Variants in EGFL6 observed in about 807,000 individuals in gnomAD.
The protein encoded by EGFL6 is EGF like domain multiple 6, also known as epidermal growth factor-like protein 6.
EGFL6 carries 42 observed loss-of-function variants against 43.1 expected under a neutral mutation model. That is an observed-to-expected ratio of 0.98 (90% CI 0.76 to 1.26). The LOEUF (loss-of-function observed/expected upper bound fraction) is 1.26. Among genes scored for constraint, EGFL6 ranks in the 50% most tolerant of loss-of-function variants. EGFL6 has a pLI of 0.00. For synonymous variants in EGFL6, 164 were observed against 163.2 expected, an observed-to-expected ratio of 1.01 and a Z score of -0.04; for missense variants, 429 against 427.8, an observed-to-expected ratio of 1.00 and a Z score of -0.02.
intron 1 of EGFL6, among the ~76,000 whole-genome samples, chrX:13,573,497 A>G (rs906283946): frequency 8.9e-6 from 1 of 112,261 alleles, no homozygotes; most frequent in East Asian, 2.8e-4. Flanking sequence ...AGAAAGTGTT[A>G]AAGTCCTATT....
At chrX:13,607,171 G>A (rs1174913648) in intron 6 of EGFL6, among the ~76,000 whole-genome samples, 1 of 111,454 alleles carries the variant, frequency 9.0e-6, no homozygotes, top group Middle Eastern at 4.6e-3. Context: ...GAACAAGTGA[G>A]GTGGGGTATT....
chrX:13,577,345 TAC>T (rs1375018204), intron 1 of EGFL6, among the ~76,000 whole-genome samples: 3 of 52,299 alleles, frequency 5.7e-5, no homozygotes, highest in Non-Finnish European at 1.1e-4. Flanking sequence ...TATATATACA[TAC>T]ACACACACAC....
intron 4 of EGFL6, among the ~76,000 whole-genome samples, chrX:13,601,046 A>G (rs2045631710): frequency 9.0e-6 from 1 of 111,147 alleles, no homozygotes; most frequent in Non-Finnish European, 1.9e-5. Context: ...TACTTTATAA[A>G]TAAAAAGGCA....
rs2045428608 is a variant in EGFL6 at position 13,569,746 on chromosome X, T to C, written c.-116T>C. ...AGGGACAGCACCCGGTAACTGCGAG[T>C]GGAGCGGAGGACCCGAGCGGCTGAG... On this transcript the variant is annotated 5_prime_UTR_variant, in exon 1 of 12. Transcript: ENST00000361306. 1.4e-6 allele frequency: 1 copy of C among 713,961 alleles called. No homozygotes were observed. The highest frequency in any genetic ancestry group is 3.3e-5 in the East Asian group (1 of 30,322). 58.8% of individuals were successfully genotyped at this position (713,961 alleles called of 1,213,427 possible). A position where few individuals can be genotyped will look rare whatever the true frequency, so the allele number is the denominator to read the frequency against.
In EGFL6 at chrX:13,585,908, A is replaced by G. The variant is rs147165564; in HGVS notation, c.75-3648A>G. ...GCTTCATGTTGTTAAAGGAAGAGGTAAAAGCAGATTGTAGTACTTTGTCAA... is the reference window on the plus strand; with the variant it reads ...GCTTCATGTTGTTAAAGGAAGAGGTGAAAGCAGATTGTAGTACTTTGTCAA... On this transcript the variant is annotated intron_variant, in intron 1 of 11. Transcript: ENST00000361306. 9.3e-3 allele frequency among the ~76,000 whole-genome samples: 1,039 copies of G among 111,853 alleles called. 11 individuals are homozygous for G. The highest frequency in any genetic ancestry group is 0.032 in the African/African-American group (977 of 30,772).
Position 13,569,694 on chromosome X carries a change from G to C in EGFL6, c.-168G>C, listed in dbSNP as rs777950852. On this transcript the variant is annotated 5_prime_UTR_variant, in exon 1 of 12. Transcript: ENST00000361306. ...CCCAGGCCGCGAGCGCCCCTGCCGCGGTGCCTGGCCTCCCCTCCCAGACTG... is the reference window on the plus strand; with the variant it reads ...CCCAGGCCGCGAGCGCCCCTGCCGCCGTGCCTGGCCTCCCCTCCCAGACTG... 2.2e-6 allele frequency: 1 copy of C among 447,497 alleles called. No individual in the cohort carries two copies. Among genetic ancestry groups the C allele is most frequent in the African/African-American group, 2.5e-5 (1 of 40,223 alleles). The allele number at this position is 447,497 out of a possible 1,213,427, so 36.9% of individuals were successfully genotyped here.
chrX:13,592,578 C>A (rs1319606882), intron 2 of EGFL6, among the ~76,000 whole-genome samples: 2 of 111,389 alleles, frequency 1.8e-5, no homozygotes, highest in Non-Finnish European at 3.8e-5. Context: ...CAAATATATG[C>A]CTCATTATTT....
chrX:13,627,292 A>G lies in EGFL6; in HGVS notation c.1551+16A>G, dbSNP rs758732710. On this transcript the variant is annotated intron_variant, in intron 11 of 11. Transcript: ENST00000361306. Reference sequence around the variant, plus strand: ...TACCAAAAGCGTAAGTGGGAAAAAAATGATTAAACTCAATATTTGCATTCT... The same window carrying G: ...TACCAAAAGCGTAAGTGGGAAAAAAGTGATTAAACTCAATATTTGCATTCT... 3 of 1,196,384 alleles carry G rather than the reference A, an allele frequency of 2.5e-6. No homozygotes were observed.
rs768539050 is a variant in EGFL6 at position 13,600,053 on chromosome X, G to C, written c.359G>C (p.Cys120Ser). 19 of 1,209,412 alleles carry C rather than the reference G, an allele frequency of 1.6e-5. No individual in the cohort carries two copies. Among genetic ancestry groups the C allele is most frequent in the Non-Finnish European group, 2.1e-5 (19 of 894,920 alleles). The change falls in exon 4 of 12, where the codon TGC becomes TCC. Residue 120 changes from cysteine (C) to serine (S), a missense_variant. Physicochemically the swap from Cys to Ser is moderately radical, Grantham distance 112. Transcript: ENST00000361306. ...ACACACGGAAGCTACAAGTGCTTTT[G>C]CCTCAGTGGCCACATGCTCATGCCA... is the stretch of plus-strand genomic sequence containing the variant. The part of the protein sequence containing the change: ...VNTHGSYKCF[C>S]LSGHMLMPDA...
chrX:13,577,980 ATAGTT>A (rs1171674441), intron 1 of EGFL6, among the ~76,000 whole-genome samples: 1 of 105,720 alleles, frequency 9.5e-6, no homozygotes, highest in Non-Finnish European at 1.9e-5. Flanking sequence ...GTAATGAGCT[ATAGTT>A]TAGTTTAATT....
intron 2 of EGFL6, 46 bp from the exon 3 acceptor site, chrX:13,594,790 A>T (rs761766771): frequency 1.7e-6 from 2 of 1,154,538 alleles, no homozygotes; most frequent in Admixed American, 2.2e-5. Context: ...ATTTCACTAC[A>T]CTAACTACTG....
At chrX:13,613,991 A>G (rs766334260) in intron 7 of EGFL6, among the ~76,000 whole-genome samples, 20 of 112,068 alleles carry the variant, frequency 1.8e-4, no homozygotes, top group Non-Finnish European at 3.0e-4. Context: ...CATTCTGGTC[A>G]TGAATGCTAA....
At chrX:13,572,165 G>A (rs1354609320) in intron 1 of EGFL6, among the ~76,000 whole-genome samples, 1 of 111,400 alleles carries the variant, frequency 9.0e-6, no homozygotes. Flanking sequence ...TTGGGTATTG[G>A]AACTATTTAG....
chrX:13,600,114 C>T lies in EGFL6; in HGVS notation c.400+20C>T. 1 of 1,206,276 alleles carries T rather than the reference C, an allele frequency of 8.3e-7. No individual in the cohort carries two copies. Among genetic ancestry groups the T allele is most frequent in the South Asian group, 1.8e-5 (1 of 56,101 alleles). ...GTGTGAGTAAGTTTCAACAGCCAGG[C>T]TGATCTCAGTCAATGTTTAAGGCTT... is the stretch of plus-strand genomic sequence containing the variant. On this transcript the variant is annotated intron_variant, in intron 4 of 11. Transcript: ENST00000361306.
intron 3 of EGFL6, among the ~76,000 whole-genome samples, chrX:13,595,187 T>C (rs1203011586): frequency 9.0e-6 from 1 of 111,492 alleles, no homozygotes; most frequent in Non-Finnish European, 1.9e-5. Context: ...GTCTTTTATA[T>C]TTTTTACTTT....
intron 7 of EGFL6, among the ~76,000 whole-genome samples, chrX:13,613,889 C>A (rs1397470945): frequency 1.8e-5 from 2 of 111,700 alleles, no homozygotes; most frequent in Non-Finnish European, 3.8e-5. Context: ...TTGCTACAAC[C>A]AGGCCATCCC....
intron 11 of EGFL6, among the ~76,000 whole-genome samples, chrX:13,632,767 T>C (rs764048766): frequency 8.9e-6 from 1 of 111,846 alleles, no homozygotes; most frequent in South Asian, 3.8e-4. Context: ...ATGGCGTTTT[T>C]CAGAATCTAT....
chrX:13,623,350 T>A (rs181013790), intron 9 of EGFL6, among the ~76,000 whole-genome samples: 2,029 of 103,172 alleles, frequency 0.02, 55 homozygotes, highest in African/African-American at 0.06. Context: ...TTTTTTTTTT[T>A]AAAAAAGGGT....
intron 7 of EGFL6, among the ~76,000 whole-genome samples, chrX:13,611,014 C>G (rs775775804): frequency 9.0e-6 from 1 of 111,131 alleles, no homozygotes; most frequent in Admixed American, 9.5e-5. Context: ...CCAGATGTCC[C>G]CAGCAGGACT....
Sources: gnomAD v4.1 joint callset for allele counts (sites outside exome capture counted in the v4.1 genomes callset) on GRCh38, gnomAD v4.1.1 for gene constraint, MANE v1.5 for transcripts, NCBI Gene and HGNC (gene_info 2026-07-23, HGNC 2026-07-21) for gene names.